TET3: variants seen among roughly 807,000 people sequenced by gnomAD.
The protein encoded by TET3 is methylcytosine dioxygenase TET3.
TET3 carries 19 observed loss-of-function variants against 141.4 expected under a neutral mutation model. The ratio of observed to expected loss-of-function variants is 0.13; its 90% CI spans 0.09 to 0.20. The LOEUF (loss-of-function observed/expected upper bound fraction) is 0.20, where lower values mean the gene tolerates loss of function less well. Ranked by LOEUF, TET3 falls within the 10% of genes least tolerant of loss-of-function variation. The pLI, the probability that TET3 is intolerant of heterozygous loss-of-function variation, is 1.00. For missense variants in TET3, 1,874 were observed against 2,356.9 expected, an observed-to-expected ratio of 0.80 and a Z score of 4.24; for synonymous variants, 1,043 against 980.9, an observed-to-expected ratio of 1.06 and a Z score of -1.18.
intron 3 of TET3, among the ~76,000 whole-genome samples, chr2:74,006,889 T>C (rs376557087): frequency 6.1e-4 from 93 of 152,320 alleles, no homozygotes; most frequent in African/African-American, 2.0e-3. Context: ...AGGAAGCCTT[T>C]AGGCAAATAG....
chr2:74,018,650 T>C (rs6546886), intron 3 of TET3, among the ~76,000 whole-genome samples: 59,823 of 152,084 alleles, frequency 0.39, 14,868 homozygotes, highest in African/African-American at 0.71. Context: ...GGCCTCTTTT[T>C]ACTTCCATTG....
At chr2:74,135,163 G>A in the TET3 span, 3 of 233,602 alleles carry the variant, frequency 1.3e-5, no homozygotes, top group African/African-American at 6.9e-5. Context: ...GATCATTCAT[G>A]TAAGAAGTTT....
intron 3 of TET3, among the ~76,000 whole-genome samples, chr2:74,030,082 A>T (rs1050399176): frequency 1.3e-5 from 2 of 152,212 alleles, no homozygotes; most frequent in Admixed American, 1.3e-4. Flanking sequence ...CTGTTTGTTC[A>T]CTACTCTATC....
intron 3 of TET3, among the ~76,000 whole-genome samples, chr2:74,004,448 C>T (rs181188506): frequency 0.012 from 1,752 of 152,264 alleles, 16 homozygotes; most frequent in Non-Finnish European, 0.018. Flanking sequence ...GGGATAGGGA[C>T]TTCTAGGTGA....
intron 8 of TET3, among the ~76,000 whole-genome samples, chr2:74,090,308 A>G (rs751760390): frequency 3.9e-5 from 6 of 152,166 alleles, no homozygotes; most frequent in Non-Finnish European, 8.8e-5. Flanking sequence ...AAATACTCCA[A>G]ATATCGAAGA....
At chr2:74,050,865 A>AG (rs1687906350) in intron 4 of TET3, among the ~76,000 whole-genome samples, 1 of 151,104 alleles carries the variant, frequency 6.6e-6, no homozygotes, top group Admixed American at 6.6e-5. Flanking sequence ...GGTTTACTTA[A>AG]GGAAAAAAAA....
At chr2:74,112,358 C>T (rs900498528), downstream of TET3, among the ~76,000 whole-genome samples, 1 of 151,986 alleles carries the variant, frequency 6.6e-6, no homozygotes, top group African/African-American at 2.4e-5. Flanking sequence ...CTTTTATTTA[C>T]TTATTTGCTT....
At chr2:74,117,550 T>TA in the TET3 span, among the ~76,000 whole-genome samples, 1 of 152,024 alleles carries the variant, frequency 6.6e-6, no homozygotes, top group Non-Finnish European at 1.5e-5. Flanking sequence ...CTTTTGATCC[T>TA]AAAAAATGTC....
At chr2:74,125,576 CAAAA>C in the TET3 span, among the ~76,000 whole-genome samples, 3 of 151,542 alleles carry the variant, frequency 2.0e-5, no homozygotes, top group Non-Finnish European at 2.9e-5. Flanking sequence ...TTATAAATAA[CAAAA>C]AAGTTGTATT....
intron 6 of TET3, among the ~76,000 whole-genome samples, chr2:74,085,221 G>A (rs998098981): frequency 1.4e-4 from 21 of 151,766 alleles, no homozygotes; most frequent in Admixed American, 2.6e-4. Flanking sequence ...CTGGATTTCC[G>A]TTTTTTTCTT....
chr2:74,010,588 C>T (rs927330852), intron 3 of TET3, among the ~76,000 whole-genome samples: 3 of 152,206 alleles, frequency 2.0e-5, no homozygotes, highest in African/African-American at 4.8e-5. Flanking sequence ...GGCCCCAGCC[C>T]CTGAGAGTCT....
the TET3 span, among the ~76,000 whole-genome samples, chr2:74,133,646 C>A: frequency 6.6e-6 from 1 of 152,220 alleles, no homozygotes. Flanking sequence ...GGCTGCCTTC[C>A]CTCAGAGCAA....
intron 3 of TET3, among the ~76,000 whole-genome samples, chr2:74,040,008 A>G (rs1687259976): frequency 6.6e-6 from 1 of 152,216 alleles, no homozygotes; most frequent in Non-Finnish European, 1.5e-5. Flanking sequence ...GGAAATGTCC[A>G]AGTCACACAG....
chr2:74,047,874 G>T lies in TET3; in HGVS notation c.1957G>T (p.Gly653Cys). The T allele has an allele frequency of 6.2e-7, 1 of 1,612,966 alleles. No individual in the cohort carries two copies. The highest frequency in any genetic ancestry group is 8.5e-7 in the Non-Finnish European group (1 of 1,179,454). ...HPPAPLPASQ[G>C]SAVPLPPEPS... ...ACCGGCCCCTCTGCCTGCCTCACAGGGCTCTGCTGTGCCCCTGCCCCCAGA... is the reference window on the plus strand; with the variant it reads ...ACCGGCCCCTCTGCCTGCCTCACAGTGCTCTGCTGTGCCCCTGCCCCCAGA... Residue 653 changes from glycine (G) to cysteine (C), a missense_variant, in exon 4 of 12, where the codon GGC becomes TGC. Physicochemically the swap from Gly to Cys is radical, Grantham distance 159. Coordinates refer to ENST00000409262, the MANE Select transcript of TET3 (RefSeq NM_001287491.2).
At chr2:74,064,870 T>G (rs1339337539) in intron 4 of TET3, among the ~76,000 whole-genome samples, 1 of 152,244 alleles carries the variant, frequency 6.6e-6, no homozygotes, top group Admixed American at 6.5e-5. Flanking sequence ...GTTAATTATC[T>G]GTTATCAGTA....
the TET3 span, among the ~76,000 whole-genome samples, chr2:74,128,992 TAAAAAAAAA>T: frequency 8.1e-4 from 63 of 77,916 alleles, no homozygotes; most frequent in East Asian, 3.3e-3. Flanking sequence ...TGTCTCAATT[TAAAAAAAAA>T]AAAAAAAAAA....
At chr2:74,027,846 G>T (rs570160815) in intron 3 of TET3, among the ~76,000 whole-genome samples, 1 of 152,236 alleles carries the variant, frequency 6.6e-6, no homozygotes, top group East Asian at 1.9e-4. Context: ...GTTTTTGTGT[G>T]AACATGCCCA....
intron 3 of TET3, among the ~76,000 whole-genome samples, chr2:74,005,255 T>G (rs879097681): frequency 3.9e-5 from 6 of 152,208 alleles, no homozygotes; most frequent in African/African-American, 1.4e-4. Context: ...AGGGGCTACT[T>G]GAAAATCCAG....
rs1207703067 is a variant in TET3, at chr2:74,093,712, G to A, written c.3267+46G>A. On this transcript the variant is annotated intron_variant, in intron 10 of 11. Coordinates refer to ENST00000409262, the MANE Select transcript of TET3 (RefSeq NM_001287491.2). The surrounding 1 kb of genome is among the most constrained non-coding windows in gnomAD (Gnocchi z 4.2). ...AGCCCCACCTGTGGGGCAACTGTGG[G>A]AGGGAGTCCACCGTGGTCTTTTCAG... 2.0e-6 allele frequency: 3 copies of A among 1,517,416 alleles called. No homozygotes were observed. The highest frequency in any genetic ancestry group is 4.9e-5 in the East Asian group (2 of 41,070). 94.0% of individuals were successfully genotyped at this position (1,517,416 alleles called of 1,614,324 possible).
Sources: allele counts gnomAD v4.1 joint callset (sites outside exome capture counted in the v4.1 genomes callset), GRCh38; gene constraint gnomAD v4.1.1; non-coding constraint Gnocchi (gnomAD v3.1); transcripts MANE v1.5; gene names NCBI Gene and HGNC (gene_info 2026-07-23, HGNC 2026-07-21).